The following BBS7 variants were observed in gnomAD, a reference collection of about 807,000 sequenced individuals.
BBS7 encodes Bardet-Biedl syndrome 7.
A neutral mutation model predicts 90.3 loss-of-function variants in BBS7; 50 were observed. The ratio of observed to expected loss-of-function variants is 0.55; its 90% CI spans 0.44 to 0.70. The LOEUF is 0.70. Among genes scored for constraint, BBS7 ranks in the 30% least tolerant of loss-of-function variants. BBS7 has a pLI of 0.00. For synonymous variants in BBS7, 235 were observed against 287.4 expected (o/e 0.82, Z 1.85); for missense variants, 729 against 838.9 (o/e 0.87, Z 1.62).
intron 15 of BBS7, among the ~76,000 whole-genome samples, chr4:121,832,009 A>C (rs374205512): frequency 4.8e-4 from 69 of 142,868 alleles, no homozygotes; most frequent in Admixed American, 1.5e-3. Flanking sequence ...AAAAAACAAA[A>C]ACACACACAC....
At chr4:121,832,322 AAAAC>A (rs552986607) in intron 15 of BBS7, among the ~76,000 whole-genome samples, 41 of 152,302 alleles carry the variant, frequency 2.7e-4, no homozygotes, top group African/African-American at 7.7e-4. Flanking sequence ...ATCCTGTCTC[AAAAC>A]AAACAAACAA....
intron 1 of BBS7, among the ~76,000 whole-genome samples, chr4:121,870,077 C>A (rs1026880812): frequency 3.3e-5 from 5 of 152,180 alleles, no homozygotes; most frequent in Non-Finnish European, 7.3e-5. Context: ...GGGCTTGTGC[C>A]GCTTTTCCCC....
In BBS7 at chr4:121,825,123, AT is replaced by A. The variant is rs1724846071; in HGVS notation, c.*736del. ...AGCTCCACTGGTTACAGCATGTCTA[AT>A]TAAGATCCCCCGACTCTGTGTAAGC... On this transcript the variant is annotated 3_prime_UTR_variant, in exon 19 of 19. Coordinates refer to ENST00000264499, the MANE Select transcript of BBS7 (RefSeq NM_176824.3). The A allele has an allele frequency of 7.4e-6, 1 of 134,722 alleles. No homozygotes were observed. Among genetic ancestry groups the A allele is most frequent in the African/African-American group, 2.4e-5 (1 of 41,030 alleles). 8.3% of individuals were successfully genotyped at this position (134,722 alleles called of 1,614,324 possible).
rs1727517803 is a variant in BBS7, at chr4:121,870,322, C to G, written c.-9G>C. The stretch of plus-strand genomic sequence containing the variant: ...TTTAAAATCAGATCCATGATGACTA[C>G]GCGGAGGGGCTAAGCAGCGCCGGAC... On this transcript the variant is annotated 5_prime_UTR_variant, in exon 1 of 19. Transcript: ENST00000264499. The G allele has an allele frequency of 1.2e-6, 2 of 1,614,040 alleles. No homozygotes were observed. The highest frequency in any genetic ancestry group is 1.7e-6 in the Non-Finnish European group (2 of 1,180,004).
At chr4:121,834,842 T>C (rs991707543) in intron 14 of BBS7, among the ~76,000 whole-genome samples, 69 of 152,288 alleles carry the variant, frequency 4.5e-4, no homozygotes, top group African/African-American at 1.7e-3. Flanking sequence ...AGAACTATTA[T>C]ACTATCTAAA....
chr4:121,864,044 T>C (rs778871322), intron 2 of BBS7, among the ~76,000 whole-genome samples: 6 of 152,178 alleles, frequency 3.9e-5, no homozygotes, highest in South Asian at 2.1e-4. Context: ...TAGATTCTCA[T>C]AGAAGCACAA....
Position 121,853,096 on chromosome 4 carries a change from G to A in BBS7, c.719-10C>T, listed in dbSNP as rs764899763. 8 of 1,611,708 alleles carry A rather than the reference G, an allele frequency of 5.0e-6. No individual in the cohort carries two copies. The highest frequency in any genetic ancestry group is 4.4e-5 in the South Asian group (4 of 91,020). On this transcript the variant is annotated splice_polypyrimidine_tract_variant and intron_variant, in intron 7 of 18. Transcript: ENST00000264499. ...TCAATACACAAAATACCTTTAAAAA[G>A]AGATATGTGATAAGTTATTAAGAAG...
At chr4:121,867,589 AAACAT>A (rs1403072082) in intron 2 of BBS7, among the ~76,000 whole-genome samples, 2 of 152,244 alleles carry the variant, frequency 1.3e-5, no homozygotes, top group African/African-American at 4.8e-5. Flanking sequence ...ACATTTCTTT[AAACAT>A]AATCAATATT....
chr4:121,857,121 C>CTTTT (rs113652840), intron 5 of BBS7, among the ~76,000 whole-genome samples: 1 of 143,546 alleles, frequency 7.0e-6, no homozygotes, highest in African/African-American at 2.6e-5. Context: ...TATGCTTTAT[C>CTTTT]TTTTTTTTTT....
At chr4:121,861,729 C>T (rs117181063) in intron 3 of BBS7, 50 bp from the exon 4 acceptor site, 2 of 1,588,808 alleles carry the variant, frequency 1.3e-6, no homozygotes, top group East Asian at 4.5e-5. Flanking sequence ...TTATTGTGAG[C>T]ATTTTTTCCT....
chr4:121,863,639 T>C (rs1345709969), intron 2 of BBS7, among the ~76,000 whole-genome samples: 1 of 152,166 alleles, frequency 6.6e-6, no homozygotes, highest in East Asian at 1.9e-4. Context: ...GCCTACAAAG[T>C]AATTTTTTTT....
chr4:121,867,386 T>C (rs1727345345), intron 2 of BBS7, among the ~76,000 whole-genome samples: 2 of 152,200 alleles, frequency 1.3e-5, no homozygotes, highest in Non-Finnish European at 2.9e-5. Context: ...TTGACTCTCC[T>C]TTCCAATCTG....
At chr4:121,850,272 C>G (rs1340640036) in intron 8 of BBS7, among the ~76,000 whole-genome samples, 1 of 151,954 alleles carries the variant, frequency 6.6e-6, no homozygotes, top group African/African-American at 2.4e-5. Flanking sequence ...TCAAGTGACC[C>G]TCCCACCTTG....
chr4:121,828,540 C>T (rs747876810), intron 16 of BBS7, 35 bp from the exon 17 acceptor site: 2 of 1,559,288 alleles, frequency 1.3e-6, no homozygotes, highest in African/African-American at 2.7e-5. Context: ...TTAGATAAAT[C>T]ACTTTGATCA....
intron 4 of BBS7, among the ~76,000 whole-genome samples, chr4:121,860,910 C>T (rs1726936320): frequency 6.6e-6 from 1 of 152,094 alleles, no homozygotes; most frequent in Admixed American, 6.6e-5. Flanking sequence ...TTTGATTCGG[C>T]AGGTATGAGG....
Position 121,845,499 on chromosome 4 carries a change from C to T in BBS7, c.1230+5G>A. The T allele has an allele frequency of 6.2e-7, 1 of 1,607,052 alleles. No homozygotes were observed. The highest frequency in any genetic ancestry group is 2.2e-5 in the East Asian group (1 of 44,650). ...TAAAACTAAGAAATTAGACATTTTG[C>T]TTACCTGTATTAAGACATTATCTAT... On this transcript the variant is annotated splice_donor_5th_base_variant and intron_variant, in intron 11 of 18. Coordinates refer to ENST00000264499, the MANE Select transcript of BBS7 (RefSeq NM_176824.3).
chr4:121,835,337 T>C, intron 13 of BBS7, 54 bp from the exon 14 acceptor site: 2 of 1,591,872 alleles, frequency 1.3e-6, no homozygotes, highest in Non-Finnish European at 1.7e-6. Context: ...ACAAAACATA[T>C]CTTTAGAATG....
rs2149070850 is a variant in BBS7, at chr4:121,847,394, T to G, written c.1037+10A>C. Reference sequence around the variant, plus strand: ...ATTTTTAAAAAAGCAAATAAAAAACTCAAAGTTACCGTAAGGAAGAAATTT... The same window carrying G: ...ATTTTTAAAAAAGCAAATAAAAAACGCAAAGTTACCGTAAGGAAGAAATTT... On this transcript the variant is annotated intron_variant, in intron 10 of 18. Transcript: ENST00000264499. 1 of 1,584,234 alleles carries G rather than the reference T, an allele frequency of 6.3e-7. No individual in the cohort carries two copies. Among genetic ancestry groups the G allele is most frequent in the Non-Finnish European group, 8.7e-7 (1 of 1,153,586 alleles).
At chr4:121,866,330 T>TTTTTTTG (rs772018330) in intron 2 of BBS7, among the ~76,000 whole-genome samples, 19 of 152,226 alleles carry the variant, frequency 1.2e-4, no homozygotes, top group Admixed American at 2.0e-4. Flanking sequence ...CATTTAGGTC[T>TTTTTTTG]TTTTTTGTTT....
Sources: gnomAD v4.1 joint callset for allele counts (sites outside exome capture counted in the v4.1 genomes callset) on GRCh38, gnomAD v4.1.1 for gene constraint, MANE v1.5 for transcripts, NCBI Gene and HGNC (gene_info 2026-07-23, HGNC 2026-07-21) for gene names.